The following PDK1 variants were observed in gnomAD, a reference collection of about 807,000 sequenced individuals.
The protein encoded by PDK1 is [Pyruvate dehydrogenase (acetyl-transferring)] kinase isozyme 1, mitochondrial.
A neutral mutation model predicts 54.2 loss-of-function variants in PDK1; 39 were observed. The ratio of observed to expected loss-of-function variants is 0.72; its 90% CI spans 0.56 to 0.94. PDK1 has a LOEUF of 0.94. PDK1 is among the 40% of genes least tolerant of loss of function. The pLI, the probability that PDK1 is intolerant of heterozygous loss-of-function variation, is 0.00. For missense variants in PDK1, 552 were observed against 566.0 expected, an observed-to-expected ratio of 0.98 and a Z score of 0.25; for synonymous variants, 221 against 207.1, an observed-to-expected ratio of 1.07 and a Z score of -0.58.
At chr2:172,567,931 T>C (rs932672762) in intron 6 of PDK1, among the ~76,000 whole-genome samples, 3 of 152,264 alleles carry the variant, frequency 2.0e-5, no homozygotes, top group Non-Finnish European at 4.4e-5. Context: ...AATTAATTAC[T>C]GTCTCGAGAA....
At chr2:172,555,894 C>T (rs1399340518), upstream of PDK1, 10 of 343,162 alleles carry the variant, frequency 2.9e-5, no homozygotes, top group Admixed American at 4.4e-4. Flanking sequence ...CTCCGCATCT[C>T]CTTCCTCGGG....
rs913439976 is a variant in PDK1 at position 172,556,188 on chromosome 2, C to T, written c.38C>T (p.Ala13Val). ...LARLLRGAAL[A>V]GPGPGLRAAG... The stretch of plus-strand genomic sequence containing the variant: ...CGGCTGCTTCGCGGAGCCGCCTTGG[C>T]CGGCCCGGGCCCGGGGCTGCGCGCC... Residue 13 changes from alanine to valine, a missense_variant, in exon 1 of 11, where the codon GCC becomes GTC. Coordinates refer to ENST00000282077, the MANE Select transcript of PDK1 (RefSeq NM_002610.5). 3.3e-5 allele frequency: 47 copies of T among 1,418,206 alleles called. No individual in the cohort carries two copies. The highest frequency in any genetic ancestry group is 4.0e-5 in the Non-Finnish European group (44 of 1,093,228). The allele number at this position is 1,418,206 out of a possible 1,614,324, so 87.9% of individuals were successfully genotyped here.
the PDK1 span, among the ~76,000 whole-genome samples, chr2:172,630,043 A>G: frequency 6.6e-6 from 1 of 152,242 alleles, no homozygotes; most frequent in Non-Finnish European, 1.5e-5. Context: ...CTTCATTCCA[A>G]AATGGCTGCA....
the PDK1 span, among the ~76,000 whole-genome samples, chr2:172,631,114 A>G: frequency 2.0e-5 from 3 of 152,188 alleles, no homozygotes; most frequent in Non-Finnish European, 2.9e-5. Flanking sequence ...CAATGAGCCA[A>G]TTTTCCAAAT....
the PDK1 span, among the ~76,000 whole-genome samples, chr2:172,629,823 T>G: frequency 1.3e-5 from 2 of 152,132 alleles, no homozygotes; most frequent in African/African-American, 4.8e-5. Context: ...CCAGAAGTGC[T>G]CATCCTGGCC....
the PDK1 span, among the ~76,000 whole-genome samples, chr2:172,713,488 C>T: frequency 1.3e-5 from 2 of 152,220 alleles, no homozygotes; most frequent in Non-Finnish European, 2.9e-5. Flanking sequence ...CCCCCTTGGC[C>T]ACTCTCTCAT....
At chr2:172,612,025 T>C (rs1691478933), downstream of PDK1, among the ~76,000 whole-genome samples, 1 of 152,222 alleles carries the variant, frequency 6.6e-6, no homozygotes, top group Non-Finnish European at 1.5e-5. Flanking sequence ...CAAACACATA[T>C]TTGCCATATC....
At chr2:172,642,468 C>G in the PDK1 span, among the ~76,000 whole-genome samples, 5 of 152,150 alleles carry the variant, frequency 3.3e-5, no homozygotes, top group Non-Finnish European at 7.3e-5. Flanking sequence ...CTAACAACAT[C>G]GGCATCTCCT....
rs1691293433 is a variant in PDK1, at chr2:172,606,342, G to A, written c.*10373G>A. 1 of 152,224 alleles carries A rather than the reference G, an allele frequency of 6.6e-6. No homozygotes were observed. Among genetic ancestry groups the A allele is most frequent in the Non-Finnish European group, 1.5e-5 (1 of 68,048 alleles). The allele number at this position is 152,224 out of a possible 1,614,324, so 9.4% of individuals were successfully genotyped here. A position where few individuals can be genotyped will look rare whatever the true frequency, so the allele number is the denominator to read the frequency against. ...AATCAAACTCTTGGCATCCACAGAA[G>A]GCTAGGAGGATGTAATGAATACTTA... On this transcript the variant is annotated 3_prime_UTR_variant, in exon 11 of 11. Coordinates refer to ENST00000282077, the MANE Select transcript of PDK1 (RefSeq NM_002610.5).
chr2:172,629,390 A>G, the PDK1 span, among the ~76,000 whole-genome samples: 3 of 152,178 alleles, frequency 2.0e-5, no homozygotes, highest in Admixed American at 1.3e-4. Flanking sequence ...AGAGCGGCAG[A>G]AAAAGGAAGA....
chr2:172,664,845 A>G, the PDK1 span, among the ~76,000 whole-genome samples: 2 of 152,100 alleles, frequency 1.3e-5, no homozygotes, highest in Non-Finnish European at 2.9e-5. Context: ...TTCTTGTTTT[A>G]TCAGAGGAGA....
the PDK1 span, among the ~76,000 whole-genome samples, chr2:172,720,154 C>T: frequency 7.3e-6 from 1 of 136,466 alleles, no homozygotes; most frequent in Non-Finnish European, 1.5e-5. Flanking sequence ...TTGCTTTGTC[C>T]CCCAGGCTGG....
intron 1 of PDK1, 31 bp from the exon 2 acceptor site, chr2:172,558,676 CT>C: frequency 6.4e-7 from 1 of 1,557,472 alleles, no homozygotes. Context: ...ATGGCTTTTA[CT>C]TACTGCTTTA....
chr2:172,675,091 G>A, the PDK1 span, among the ~76,000 whole-genome samples: 1 of 152,200 alleles, frequency 6.6e-6, no homozygotes, highest in African/African-American at 2.4e-5. Flanking sequence ...ATAGCAGATG[G>A]CAAACTTGAT....
the PDK1 span, among the ~76,000 whole-genome samples, chr2:172,680,951 C>T: frequency 6.6e-6 from 1 of 152,170 alleles, no homozygotes; most frequent in African/African-American, 2.4e-5. Context: ...TGGCTCATTC[C>T]TTAGCCTATG....
At chr2:172,669,129 G>A in the PDK1 span, among the ~76,000 whole-genome samples, 1 of 142,706 alleles carries the variant, frequency 7.0e-6, no homozygotes, top group South Asian at 2.2e-4. Flanking sequence ...GCGCAATCTC[G>A]GCTCACTGCA....
the PDK1 span, among the ~76,000 whole-genome samples, chr2:172,682,239 G>A: frequency 6.6e-6 from 1 of 152,222 alleles, no homozygotes; most frequent in Non-Finnish European, 1.5e-5. Flanking sequence ...CAAGGAGGCT[G>A]TGTGGCTGTA....
At chr2:172,651,887 G>A in the PDK1 span, among the ~76,000 whole-genome samples, 1 of 152,194 alleles carries the variant, frequency 6.6e-6, no homozygotes, top group Non-Finnish European at 1.5e-5. Flanking sequence ...TCTACCAGTG[G>A]TATGAGGAAG....
At chr2:172,621,894 G>A in the PDK1 span, among the ~76,000 whole-genome samples, 15,936 of 108,682 alleles carry the variant, frequency 0.15, 2,037 homozygotes, top group South Asian at 0.25. Flanking sequence ...TATCTCATAT[G>A]TATGATATAT....
Sources: allele counts gnomAD v4.1 joint callset (sites outside exome capture counted in the v4.1 genomes callset), GRCh38; gene constraint gnomAD v4.1.1; transcripts MANE v1.5; gene names NCBI Gene and HGNC (gene_info 2026-07-23, HGNC 2026-07-21).